TCERG1L: variants seen among roughly 807,000 people sequenced by gnomAD.
TCERG1L encodes the protein transcription elongation regulator 1 like.
TCERG1L carries 37 observed loss-of-function variants against 56.3 expected under a neutral mutation model. That is an observed-to-expected ratio of 0.66 (90% CI 0.51 to 0.87). The LOEUF (loss-of-function observed/expected upper bound fraction) is 0.87, where lower values mean the gene tolerates loss of function less well. TCERG1L is among the 40% of genes least tolerant of loss of function. The pLI is 0.00. For synonymous variants in TCERG1L, 324 were observed against 326.3 expected, an observed-to-expected ratio of 0.99 and a Z score of 0.08; for missense variants, 799 against 774.2, an observed-to-expected ratio of 1.03 and a Z score of -0.38.
At chr10:131,145,512 G>A (rs1199919840) in intron 7 of TCERG1L, among the ~76,000 whole-genome samples, 2 of 152,216 alleles carry the variant, frequency 1.3e-5, no homozygotes, top group Non-Finnish European at 2.9e-5. Context: ...TTTTAAATGT[G>A]TGATGTCTCA....
intron 3 of TCERG1L, among the ~76,000 whole-genome samples, chr10:131,291,927 T>A (rs1846632597): frequency 1.3e-5 from 2 of 152,224 alleles, no homozygotes; most frequent in African/African-American, 4.8e-5. Flanking sequence ...TAGAGTATTT[T>A]CTTCAATTAC....
intron 10 of TCERG1L, among the ~76,000 whole-genome samples, chr10:131,099,637 C>G (rs1199404051): frequency 6.6e-6 from 1 of 152,118 alleles, no homozygotes; most frequent in Non-Finnish European, 1.5e-5. Context: ...AGGTGAAAGC[C>G]TCGACCCCAG....
At chr10:131,225,881 T>C (rs569702872) in intron 4 of TCERG1L, among the ~76,000 whole-genome samples, 2 of 152,346 alleles carry the variant, frequency 1.3e-5, no homozygotes, top group South Asian at 2.1e-4. Flanking sequence ...ATGAAACCAC[T>C]TGAAAAATAC....
chr10:131,288,697 C>T (rs1283236433), intron 3 of TCERG1L, among the ~76,000 whole-genome samples: 5 of 152,188 alleles, frequency 3.3e-5, no homozygotes, highest in Non-Finnish European at 4.4e-5. Context: ...GGCCTTACAT[C>T]CAAAGTGTCC....
chr10:131,103,144 C>T lies in TCERG1L; in HGVS notation c.1485+1121G>A, dbSNP rs1845319866. Among the ~76,000 whole-genome samples, 1 of 151,596 alleles carries T rather than the reference C, an allele frequency of 6.6e-6. No individual in the cohort carries two copies. Among genetic ancestry groups the T allele is most frequent in the African/African-American group, 2.4e-5 (1 of 41,250 alleles). On this transcript the variant is annotated intron_variant, in intron 10 of 11. Coordinates refer to ENST00000368642, the MANE Select transcript of TCERG1L (RefSeq NM_174937.4). The surrounding 1 kb of genome is among the most constrained non-coding windows in gnomAD (Gnocchi z 4.3). The stretch of plus-strand genomic sequence containing the variant: ...TGAAGAACAAGCAGAAAGAGGCTCT[C>T]TGAAATGAAATGGATGCTTATTTGG...
chr10:131,093,243 C>T lies in TCERG1L; in HGVS notation c.1680G>A (p.Gln560=), dbSNP rs910039251. ...GTATGAATTGGTTGAAAAAATGCTC[C>T]TGGTCCTTTCTTTTTTGAACAAGTC... ...RFRLVQKRKD[Q]EHFFNQFILI... is the part of the protein sequence containing the mutation. The change falls in exon 12 of 12, where the codon CAG becomes CAA. Residue 560 remains glutamine (Q), a synonymous_variant. Transcript: ENST00000368642. 6.2e-7 allele frequency: 1 copy of T among 1,613,910 alleles called. No homozygotes were observed. Among genetic ancestry groups the T allele is most frequent in the African/African-American group, 1.3e-5 (1 of 74,948 alleles).
At chr10:131,255,492 C>A (rs1341965155) in intron 4 of TCERG1L, among the ~76,000 whole-genome samples, 1 of 152,154 alleles carries the variant, frequency 6.6e-6, no homozygotes, top group Non-Finnish European at 1.5e-5. Context: ...CTGGGGTGAG[C>A]AGGAGGTGAG....
In TCERG1L at chr10:131,209,709, T is replaced by C. The variant is rs138272423; in HGVS notation, c.857-42824A>G. 1.0e-3 allele frequency among the ~76,000 whole-genome samples: 159 copies of C among 152,302 alleles called. 1 individual carries two copies. The highest frequency in any genetic ancestry group is 3.7e-3 in the African/African-American group (152 of 41,560). On this transcript the variant is annotated intron_variant, in intron 4 of 11. Transcript: ENST00000368642. ...CCTACCAGTGACAAACACAGTATCA[T>C]AGTAGGGCAATAATTATTATATTTT... is the stretch of plus-strand genomic sequence containing the variant.
chr10:131,276,664 GA>G (rs959471052), intron 3 of TCERG1L, among the ~76,000 whole-genome samples: 1 of 152,140 alleles, frequency 6.6e-6, no homozygotes, highest in Admixed American at 6.5e-5. Flanking sequence ...TCTTGGTTAT[GA>G]AATTAAGATG....
At chr10:131,197,285 C>T (rs112550225) in intron 4 of TCERG1L, among the ~76,000 whole-genome samples, 17,373 of 151,994 alleles carry the variant, frequency 0.11, 1,131 homozygotes, top group Middle Eastern at 0.19. Context: ...AGGTTCACAC[C>T]ATTCTCCTGC....
At position 131,286,944 on chromosome 10, in the gene TCERG1L, C is replaced by T. The variant is rs775554094; in HGVS notation, c.670+21267G>A. The stretch of plus-strand genomic sequence containing the variant: ...AGACGTGTTGCGAATATCAGATATA[C>T]ACTGAATTTCAAAGATAATATCAAA... On this transcript the variant is annotated intron_variant, in intron 3 of 11. Transcript: ENST00000368642. Among the ~76,000 whole-genome samples, 4 of 152,220 alleles carry T rather than the reference C, an allele frequency of 2.6e-5. No individual in the cohort carries two copies. The East Asian group carries it at 7.7e-4, about 29-fold the overall frequency.
At chr10:131,121,841 G>A (rs1845516924) in intron 8 of TCERG1L, among the ~76,000 whole-genome samples, 5 of 152,190 alleles carry the variant, frequency 3.3e-5, no homozygotes, top group Non-Finnish European at 7.3e-5. Flanking sequence ...GCCCAGGTGT[G>A]GGCACAGTGA....
chr10:131,195,969 G>C (rs1845358711), intron 4 of TCERG1L, among the ~76,000 whole-genome samples: 1 of 152,210 alleles, frequency 6.6e-6, no homozygotes, highest in Non-Finnish European at 1.5e-5. Flanking sequence ...GAACTGGGCA[G>C]CGGGGCTGGC....
chr10:131,245,443 C>A (rs562228655), intron 4 of TCERG1L, among the ~76,000 whole-genome samples: 1 of 151,992 alleles, frequency 6.6e-6, no homozygotes, highest in Non-Finnish European at 1.5e-5. Flanking sequence ...AAGTTGAAGT[C>A]GACATTAGCT....
At chr10:131,263,808 C>T (rs1163412027) in intron 3 of TCERG1L, among the ~76,000 whole-genome samples, 3 of 152,242 alleles carry the variant, frequency 2.0e-5, no homozygotes, top group Non-Finnish European at 1.5e-5. Context: ...ACAATGGCTT[C>T]TCCCCTTAGG....
Position 131,267,836 on chromosome 10 carries a change from C to A in TCERG1L, c.671-7392G>T, listed in dbSNP as rs556820694. On this transcript the variant is annotated intron_variant, in intron 3 of 11. Transcript: ENST00000368642. The surrounding 1 kb of genome is among the most constrained non-coding windows in gnomAD (Gnocchi z 4.9). The stretch of plus-strand genomic sequence containing the variant: ...ACCTCCTTGCAGACTTCGGTGGGGG[C>A]TCCAGGGCCTTGCCAGGCCCGTGCC... Among the ~76,000 whole-genome samples, 15 of 152,322 alleles carry A rather than the reference C, an allele frequency of 9.8e-5. No homozygotes were observed. Among genetic ancestry groups the A allele is most frequent in the Non-Finnish European group, 2.2e-4 (15 of 68,030 alleles).
chr10:131,124,242 G>A (rs1014249686), intron 8 of TCERG1L, among the ~76,000 whole-genome samples: 5 of 152,186 alleles, frequency 3.3e-5, no homozygotes, highest in South Asian at 2.1e-4. Flanking sequence ...CCTGAGCTGC[G>A]GGAGGCCCAC....
chr10:131,121,630 C>T (rs1845513930), intron 8 of TCERG1L, among the ~76,000 whole-genome samples: 1 of 152,246 alleles, frequency 6.6e-6, no homozygotes, highest in East Asian at 1.9e-4. Flanking sequence ...CTCCCAGCTG[C>T]AGCCCTGCAG....
rs1385682052 is a variant in TCERG1L at position 131,093,054 on chromosome 10, G to A, written c.*108C>T. ...ACCCCGCAGTGCCGGTGCCCGCTGG[G>A]CCGTGCAGGTCTCGGCCGCCCCACG... On this transcript the variant is annotated 3_prime_UTR_variant, in exon 12 of 12. Coordinates refer to ENST00000368642, the MANE Select transcript of TCERG1L (RefSeq NM_174937.4). The A allele has an allele frequency of 1.9e-5, 23 of 1,198,948 alleles. 1 individual carries two copies. The South Asian group carries it at 3.2e-4, about 17-fold the overall frequency. The allele number at this position is 1,198,948 out of a possible 1,614,324, so 74.3% of individuals were successfully genotyped here.
Sources: gnomAD v4.1 joint callset for allele counts (sites outside exome capture counted in the v4.1 genomes callset) on GRCh38, gnomAD v4.1.1 for gene constraint, Gnocchi (gnomAD v3.1) non-coding constraint, MANE v1.5 for transcripts, NCBI Gene and HGNC (gene_info 2026-07-23, HGNC 2026-07-21) for gene names.